Variants in USP46 observed in about 807,000 individuals in gnomAD.
USP46 encodes ubiquitin specific peptidase 46, also known as ubiquitin carboxyl-terminal hydrolase 46.
In USP46, 12 loss-of-function variants were observed where a neutral mutation model predicts 44.4. The observed-to-expected ratio is 0.27, with a 90% CI of 0.17 to 0.44. USP46 has a LOEUF of 0.44. USP46 is among the 20% of genes least tolerant of loss of function. The pLI is 1.00. For synonymous variants in USP46, 155 were observed against 161.5 expected, an observed-to-expected ratio of 0.96 and a Z score of 0.31; for missense variants, 248 against 444.8, an observed-to-expected ratio of 0.56 and a Z score of 3.98.
intron 1 of USP46, among the ~76,000 whole-genome samples, chr4:52,645,321 A>G (rs953007664): frequency 6.6e-6 from 1 of 152,110 alleles, no homozygotes; most frequent in Non-Finnish European, 1.5e-5. Flanking sequence ...CTGACCTGGG[A>G]TACTTGACTA....
intron 1 of USP46, chr4:52,650,863 C>T (rs1185452989): frequency 1.3e-5 from 2 of 151,950 alleles, no homozygotes; most frequent in Non-Finnish European, 2.9e-5. Context: ...CTTTGGGAGG[C>T]CAAGGTGGGC....
chr4:52,658,401 C>T (rs34485888), intron 1 of USP46: 1 of 400,872 alleles, frequency 2.5e-6, no homozygotes, highest in African/African-American at 2.1e-5. Context: ...CCAGCCTCCC[C>T]TAGGTCTACA....
At chr4:52,618,832 A>G (rs1402096739) in intron 4 of USP46, among the ~76,000 whole-genome samples, 1 of 152,182 alleles carries the variant, frequency 6.6e-6, no homozygotes, top group Non-Finnish European at 1.5e-5. Flanking sequence ...AAGCCTCAGA[A>G]ACTCTACTGA....
chr4:52,636,784 G>A (rs1056076289), intron 1 of USP46, among the ~76,000 whole-genome samples: 2 of 147,184 alleles, frequency 1.4e-5, no homozygotes, highest in Non-Finnish European at 3.0e-5. Flanking sequence ...AATACAAAAT[G>A]TCTCAGGTGT....
rs1343074958 is a variant in USP46 at position 52,659,166 on chromosome 4, A to C, written c.-16T>G. 5.2e-6 allele frequency: 8 copies of C among 1,552,572 alleles called. No individual in the cohort carries two copies. Among genetic ancestry groups the C allele is most frequent in the Non-Finnish European group, 7.0e-6 (8 of 1,149,910 alleles). On this transcript the variant is annotated 5_prime_UTR_variant, in exon 1 of 9. Transcript: ENST00000441222. The surrounding 1 kb of genome is among the most constrained non-coding windows in gnomAD (Gnocchi z 4.2). Reference sequence around the variant, plus strand: ...GGACAGTCATTAGTCTAAAGGTTGCAGCGATCCCTCACCGCCATCTTTACA... The same window carrying C: ...GGACAGTCATTAGTCTAAAGGTTGCCGCGATCCCTCACCGCCATCTTTACA...
At chr4:52,642,115 A>T (rs1345835188) in intron 1 of USP46, among the ~76,000 whole-genome samples, 1 of 152,176 alleles carries the variant, frequency 6.6e-6, no homozygotes. Context: ...AAATGAAGTG[A>T]CTCAGCCCAA....
chr4:52,637,035 C>T (rs959385787), intron 1 of USP46, among the ~76,000 whole-genome samples: 1 of 152,024 alleles, frequency 6.6e-6, no homozygotes, highest in African/African-American at 2.4e-5. Flanking sequence ...GTCTCAAACT[C>T]CTGGACTCAA....
At chr4:52,617,468 T>G (rs1717198626) in intron 4 of USP46, among the ~76,000 whole-genome samples, 1 of 152,196 alleles carries the variant, frequency 6.6e-6, no homozygotes, top group Admixed American at 6.5e-5. Flanking sequence ...TATAATTCAT[T>G]AACTGAAAAA....
At chr4:52,627,817 A>T in intron 3 of USP46, 133 bp downstream of exon 3, 1 of 1,020,898 alleles carries the variant, frequency 9.8e-7, no homozygotes, top group Non-Finnish European at 1.4e-6. Flanking sequence ...TTTCTTAAAA[A>T]ATGACACCGA....
chr4:52,636,004 C>A (rs772940335), intron 1 of USP46, among the ~76,000 whole-genome samples: 1 of 152,088 alleles, frequency 6.6e-6, no homozygotes, highest in African/African-American at 2.4e-5. Flanking sequence ...TCCCCCTAAC[C>A]TCCATAACTA....
intron 1 of USP46, among the ~76,000 whole-genome samples, chr4:52,639,462 G>A (rs537041696): frequency 3.3e-5 from 5 of 152,136 alleles, no homozygotes; most frequent in African/African-American, 1.2e-4. Flanking sequence ...GAACCAATAT[G>A]GCTACTCTAG....
At chr4:52,630,856 C>A (rs191743545) in intron 2 of USP46, among the ~76,000 whole-genome samples, 3 of 151,868 alleles carry the variant, frequency 2.0e-5, no homozygotes, top group Admixed American at 2.0e-4. Context: ...TAAATTTGAC[C>A]CAAAATGCAA....
chr4:52,617,005 C>A (rs1323975614), intron 4 of USP46, among the ~76,000 whole-genome samples: 1 of 152,172 alleles, frequency 6.6e-6, no homozygotes, highest in South Asian at 2.1e-4. Flanking sequence ...AGCTTTATAT[C>A]TGTATGCTAG....
At chr4:52,626,932 C>T (rs1296649580) in intron 3 of USP46, among the ~76,000 whole-genome samples, 1 of 152,118 alleles carries the variant, frequency 6.6e-6, no homozygotes, top group Non-Finnish European at 1.5e-5. Flanking sequence ...TTATTCAGAG[C>T]AACTGGGGTG....
intron 1 of USP46, among the ~76,000 whole-genome samples, chr4:52,645,880 G>A (rs897406824): frequency 5.3e-5 from 8 of 152,030 alleles, no homozygotes; most frequent in Non-Finnish European, 8.8e-5. Context: ...TCACAAGATC[G>A]GGTTGTTTGA....
intron 4 of USP46, among the ~76,000 whole-genome samples, chr4:52,613,416 T>C (rs1470026619): frequency 6.6e-6 from 1 of 152,042 alleles, no homozygotes; most frequent in African/African-American, 2.4e-5. Flanking sequence ...AAACTCAATA[T>C]GCATTAAAGA....
chr4:52,641,581 G>A (rs939619354), intron 1 of USP46, among the ~76,000 whole-genome samples: 4 of 152,158 alleles, frequency 2.6e-5, no homozygotes, highest in Admixed American at 2.6e-4. Context: ...TTGCCCAGAA[G>A]GAGGAAATAA....
At position 52,632,990 on chromosome 4, in the gene USP46, A is replaced by AAAAGAAAAGAAAGAAAGAAAG. The variant is rs1717961084; in HGVS notation, c.37-1847_37-1846insCTTTCTTTCTTTCTTTTCTTT. ...AAAGAAAGAAAGAAAGAAAGAAAAG[A>AAAAGAAAAGAAAGAAAGAAAG]AAAGAAAGAAAGAAAGAAAGAAAGA... On this transcript the variant is annotated intron_variant, in intron 1 of 8. Transcript: ENST00000441222. 6.6e-4 allele frequency among the ~76,000 whole-genome samples: 44 copies of AAAAGAAAAGAAAGAAAGAAAG among 66,306 alleles called. 1 individual carries two copies. The highest frequency in any genetic ancestry group is 2.9e-3 in the Admixed American group (18 of 6,160). 43.5% of individuals were successfully genotyped at this position (66,306 alleles called of 152,430 possible). A position where few individuals can be genotyped will look rare whatever the true frequency, so the allele number is the denominator to read the frequency against.
rs755974873 is a variant in USP46 at position 52,595,556 on chromosome 4, C to G, written c.*2084G>C. 2 of 152,076 alleles carry G rather than the reference C, an allele frequency of 1.3e-5. No individual in the cohort carries two copies. The highest frequency in any genetic ancestry group is 1.3e-4 in the Admixed American group (2 of 15,276). 9.4% of individuals were successfully genotyped at this position (152,076 alleles called of 1,614,324 possible). On this transcript the variant is annotated 3_prime_UTR_variant, in exon 9 of 9. Coordinates refer to ENST00000441222, the MANE Select transcript of USP46 (RefSeq NM_022832.4). ...CTCTTTCTATTAAAAGGAATTACTT[C>G]GATTAAATAACTGGGAAAAACATTT...
Sources: allele counts gnomAD v4.1 joint callset (sites outside exome capture counted in the v4.1 genomes callset), GRCh38; gene constraint gnomAD v4.1.1; non-coding constraint Gnocchi (gnomAD v3.1); transcripts MANE v1.5; gene names NCBI Gene and HGNC (gene_info 2026-07-23, HGNC 2026-07-21).